Variants in LRRC1 observed in about 807,000 individuals in gnomAD.
LRRC1 encodes the protein leucine-rich repeat-containing protein 1.
LRRC1 carries 28 observed loss-of-function variants against 69.9 expected under a neutral mutation model. The ratio of observed to expected loss-of-function variants is 0.40; its 90% CI spans 0.30 to 0.55. LRRC1 has a LOEUF of 0.55. LRRC1 is among the 20% of genes least tolerant of loss of function. The probability of loss-of-function intolerance (pLI) is 0.47; values close to 1 mark genes in which losing one functional copy is unlikely to be tolerated. For synonymous variants in LRRC1, 236 were observed against 240.2 expected (o/e 0.98, Z 0.16); for missense variants, 498 against 609.0 (o/e 0.82, Z 1.92).
chr6:53,816,218 A>G (rs989396466), intron 1 of LRRC1, among the ~76,000 whole-genome samples: 1 of 152,178 alleles, frequency 6.6e-6, no homozygotes, highest in Non-Finnish European at 1.5e-5. Flanking sequence ...TAGTTTATAA[A>G]TTATAGTGAG....
At chr6:53,902,874 A>G in intron 9 of LRRC1, 127 bp downstream of exon 9, 1 of 622,136 alleles carries the variant, frequency 1.6e-6, no homozygotes, top group Non-Finnish European at 2.8e-6. Flanking sequence ...AAGCAAATGC[A>G]TGACCTAAAG....
intron 1 of LRRC1, among the ~76,000 whole-genome samples, chr6:53,798,405 T>A (rs1015223197): frequency 2.6e-5 from 4 of 152,198 alleles, no homozygotes; most frequent in Admixed American, 1.3e-4. Flanking sequence ...TGAGACGGAG[T>A]CTCACTCTTG....
chr6:53,804,124 C>G (rs976206759), intron 1 of LRRC1, among the ~76,000 whole-genome samples: 7 of 152,098 alleles, frequency 4.6e-5, no homozygotes, highest in Admixed American at 2.6e-4. Flanking sequence ...TTGTGTTTAT[C>G]TTATTATGAG....
intron 4 of LRRC1, chr6:53,883,852 G>C: frequency 1.4e-6 from 1 of 711,134 alleles, no homozygotes; most frequent in Non-Finnish European, 2.6e-6. Flanking sequence ...GTAAGCAGTT[G>C]AGCACAGTCT....
At chr6:53,877,388 G>T (rs1221579551) in intron 2 of LRRC1, among the ~76,000 whole-genome samples, 4 of 152,164 alleles carry the variant, frequency 2.6e-5, no homozygotes, top group African/African-American at 9.7e-5. Flanking sequence ...TTGTCTCAGG[G>T]ATTAACATTC....
chr6:53,815,503 C>T (rs1396931098), intron 1 of LRRC1, among the ~76,000 whole-genome samples: 2 of 152,166 alleles, frequency 1.3e-5, no homozygotes, highest in Non-Finnish European at 2.9e-5. Flanking sequence ...CTTGCATATG[C>T]ACACACAGTG....
Position 53,913,951 on chromosome 6 carries a change from T to C in LRRC1, c.1088T>C (p.Leu363Pro). The C allele has an allele frequency of 1.2e-6, 2 of 1,611,418 alleles. No individual in the cohort carries two copies. Among genetic ancestry groups the C allele is most frequent in the Non-Finnish European group, 1.7e-6 (2 of 1,177,774 alleles). The change falls in exon 11 of 14, where the codon CTG becomes CCG. Residue 363 changes from leucine (L) to proline (P), a missense_variant. Physicochemically the swap from Leu to Pro is moderately conservative, Grantham distance 98. This residue lies in a region of LRRC1 where 266 missense variants were observed against 383.9 expected (regional missense o/e 0.69). Transcript: ENST00000370888. ...EVSQATELHV[L>P]DVAGNRLLHL... ...TCACAGGCAACAGAACTTCATGTCCTGGATGTGGCAGGGAACAGGTAAGCC... is the reference window on the plus strand; with the variant it reads ...TCACAGGCAACAGAACTTCATGTCCCGGATGTGGCAGGGAACAGGTAAGCC...
chr6:53,834,217 C>T (rs1399653592), intron 1 of LRRC1, among the ~76,000 whole-genome samples: 1 of 152,150 alleles, frequency 6.6e-6, no homozygotes, highest in Non-Finnish European at 1.5e-5. Flanking sequence ...TCTCTGTGCC[C>T]CTGATCCTCT....
At chr6:53,854,994 A>C (rs1464958090) in intron 2 of LRRC1, among the ~76,000 whole-genome samples, 1 of 128,816 alleles carries the variant, frequency 7.8e-6, no homozygotes, top group African/African-American at 2.7e-5. Context: ...GATAATCGAC[A>C]AGACAGGGGG....
At chr6:53,834,276 C>G (rs1765545710) in intron 1 of LRRC1, among the ~76,000 whole-genome samples, 1 of 152,186 alleles carries the variant, frequency 6.6e-6, no homozygotes, top group South Asian at 2.1e-4. Context: ...TGTCTACTCT[C>G]TCTGTCTGGA....
rs1767992944 is a variant in LRRC1, at chr6:53,899,887, C to A, written c.783C>A (p.Gly261=). The A allele has an allele frequency of 6.2e-7, 1 of 1,613,486 alleles. No individual in the cohort carries two copies. Among genetic ancestry groups the A allele is most frequent in the Non-Finnish European group, 8.5e-7 (1 of 1,179,798 alleles). ...ACTTATTAGAAACGATTCCGGATGGCATTGGTAAGCATTGGAAATCACTAA... is the reference window on the plus strand; with the variant it reads ...ACTTATTAGAAACGATTCCGGATGGAATTGGTAAGCATTGGAAATCACTAA... ...SQNLLETIPD[G]IGKLKKLSIL... The change falls in exon 8 of 14, where the codon GGC becomes GGA. Residue 261 remains glycine (G), a synonymous_variant. Coordinates refer to ENST00000370888, the MANE Select transcript of LRRC1 (RefSeq NM_018214.5).
Position 53,812,844 on chromosome 6 carries a change from C to T in LRRC1, c.159+17429C>T, listed in dbSNP as rs577972772. Among the ~76,000 whole-genome samples, 3 of 151,586 alleles carry T rather than the reference C, an allele frequency of 2.0e-5. No homozygotes were observed. In the South Asian group the frequency reaches 6.3e-4, roughly 32 times the overall value. On this transcript the variant is annotated intron_variant, in intron 1 of 13. Coordinates refer to ENST00000370888, the MANE Select transcript of LRRC1 (RefSeq NM_018214.5). ...GAGGTGGAGGTGGAGCATGGGGTGC[C>T]TTGGGGGTAGTGAGAGAAAGGAATG...
At chr6:53,800,254 T>C (rs1041307990) in intron 1 of LRRC1, among the ~76,000 whole-genome samples, 4 of 138,228 alleles carry the variant, frequency 2.9e-5, no homozygotes, top group African/African-American at 5.4e-5. Context: ...TTTCTTTTTT[T>C]TTTTTTTTTT....
chr6:53,840,151 A>C (rs891082783), intron 1 of LRRC1, among the ~76,000 whole-genome samples: 13 of 152,058 alleles, frequency 8.5e-5, no homozygotes, highest in Admixed American at 7.9e-4. Context: ...ACATATTTTG[A>C]TGGAGTCCTG....
chr6:53,900,258 C>T (rs1337179858), intron 8 of LRRC1, among the ~76,000 whole-genome samples: 1 of 151,890 alleles, frequency 6.6e-6, no homozygotes, highest in East Asian at 1.9e-4. Context: ...AGGATGGTCT[C>T]GTTCTCCTGA....
intron 4 of LRRC1, among the ~76,000 whole-genome samples, chr6:53,885,161 C>A (rs1373528835): frequency 6.6e-6 from 1 of 152,192 alleles, no homozygotes; most frequent in East Asian, 1.9e-4. Context: ...AATCAAAGAA[C>A]AAATTCTTCC....
At chr6:53,822,435 G>A (rs557704074) in intron 1 of LRRC1, among the ~76,000 whole-genome samples, 69 of 152,290 alleles carry the variant, frequency 4.5e-4, no homozygotes, top group African/African-American at 1.6e-3. Flanking sequence ...TAACCCAGGA[G>A]GATAGCGTTA....
chr6:53,827,056 T>G (rs916662351), intron 1 of LRRC1, among the ~76,000 whole-genome samples: 2 of 152,190 alleles, frequency 1.3e-5, no homozygotes, highest in Non-Finnish European at 2.9e-5. Flanking sequence ...CTGGGAACAT[T>G]TGTTAAGCAA....
chr6:53,819,051 C>T (rs753493344), intron 1 of LRRC1, among the ~76,000 whole-genome samples: 2 of 152,090 alleles, frequency 1.3e-5, no homozygotes, highest in African/African-American at 2.4e-5. Context: ...GTAGCATTGA[C>T]CCATGTGGGG....
Sources: allele counts gnomAD v4.1 joint callset (sites outside exome capture counted in the v4.1 genomes callset), GRCh38; gene constraint gnomAD v4.1.1; regional missense constraint gnomAD v4.1.1; transcripts MANE v1.5; gene names NCBI Gene and HGNC (gene_info 2026-07-23, HGNC 2026-07-21).